ITGB2: variants seen among roughly 807,000 people sequenced by gnomAD.
ITGB2 encodes integrin subunit beta 2, also known as integrin beta-2.
Under a neutral mutation model 86.8 loss-of-function variants are expected in ITGB2, and 56 were observed. That is an observed-to-expected ratio of 0.65 (90% CI 0.52 to 0.81). ITGB2 has a LOEUF of 0.81. Among genes scored for constraint, ITGB2 ranks in the 30% least tolerant of loss-of-function variants. ITGB2 has a pLI of 0.00. For synonymous variants in ITGB2, 457 were observed against 450.4 expected, an observed-to-expected ratio of 1.01 and a Z score of -0.19; for missense variants, 948 against 1,061.2, an observed-to-expected ratio of 0.89 and a Z score of 1.48.
chr21:44,888,550 C>T (rs900634190), intron 14 of ITGB2, 143 bp downstream of exon 14: 41 of 951,698 alleles, frequency 4.3e-5, no homozygotes, highest in Non-Finnish European at 6.0e-5. Flanking sequence ...CTTGCAATGC[C>T]AAGGGCATCC....
Position 44,906,936 on chromosome 21 carries a change from C to A in ITGB2, c.307G>T (p.Val103Leu). 1.2e-6 allele frequency: 2 copies of A among 1,614,206 alleles called. No homozygotes were observed. Among genetic ancestry groups the A allele is most frequent in the Non-Finnish European group, 8.5e-7 (1 of 1,180,030 alleles). The change falls in exon 4 of 16, where the codon GTG (valine) becomes TTG (leucine). Residue 103 changes from valine (V) to leucine (L), a missense_variant. Val to Leu is a conservative substitution (Grantham distance 32). Coordinates refer to ENST00000652462, the MANE Select transcript of ITGB2 (RefSeq NM_000211.5). ...CTACCTGGTCGCAGGTAAAGCGTCA[C>A]TTTTTGTGGGGACAGCTGCTTCTGG... is the stretch of plus-strand genomic sequence containing the variant. Reference protein sequence around the residue: ...GGQKQLSPQKVTLYLRPGQAA... With the variant: ...GGQKQLSPQKLTLYLRPGQAA...
intron 12 of ITGB2, among the ~76,000 whole-genome samples, 172 bp downstream of exon 12, chr21:44,889,806 G>A (rs1430125537): frequency 6.6e-6 from 1 of 152,220 alleles, no homozygotes; most frequent in Non-Finnish European, 1.5e-5. Flanking sequence ...GCAGGGCGGG[G>A]TGCAGGGCCA....
intron 3 of ITGB2, among the ~76,000 whole-genome samples, chr21:44,908,362 C>T (rs1232566370): frequency 1.4e-5 from 2 of 146,280 alleles, no homozygotes; most frequent in Non-Finnish European, 3.0e-5. Context: ...GCCAGATGAC[C>T]TTGGCGCCAC....
At chr21:44,918,336 G>T (rs149370851) in intron 1 of ITGB2, among the ~76,000 whole-genome samples, 1 of 152,248 alleles carries the variant, frequency 6.6e-6, no homozygotes, top group African/African-American at 2.4e-5. Context: ...CGCCACAGGC[G>T]TCACGCTGCC....
chr21:44,886,500 A>G, intron 15 of ITGB2, 70 bp from the exon 16 acceptor site: 1 of 1,532,148 alleles, frequency 6.5e-7, no homozygotes, highest in African/African-American at 1.4e-5. Flanking sequence ...CTCCCTGAGG[A>G]CACTCCCCGC....
Position 44,901,480 on chromosome 21 carries a change from C to T in ITGB2, c.741+12G>A, listed in dbSNP as rs778868090. 56 of 1,613,236 alleles carry T rather than the reference C, an allele frequency of 3.5e-5. No homozygotes were observed. Among genetic ancestry groups the T allele is most frequent in the Admixed American group, 1.2e-4 (7 of 59,938 alleles). On this transcript the variant is annotated intron_variant, in intron 6 of 15. Coordinates refer to ENST00000652462, the MANE Select transcript of ITGB2 (RefSeq NM_000211.5). ...GGGAACGTGGGGACCCAAGCAGGGG[C>T]AGCGGCCTCACCGGGCAGGCGGCGA...
intron 1 of ITGB2, among the ~76,000 whole-genome samples, chr21:44,916,742 C>T (rs1601331325): frequency 6.6e-6 from 1 of 151,954 alleles, no homozygotes; most frequent in East Asian, 1.9e-4. Flanking sequence ...GTGGCGGGCG[C>T]CTGTAATCCC....
In ITGB2 at chr21:44,907,049, C is replaced by T. The variant is rs144806686; in HGVS notation, c.194G>A (p.Arg65Gln). The T allele has an allele frequency of 1.5e-5, 24 of 1,612,104 alleles. No homozygotes were observed. In the African/African-American group the frequency reaches 1.9e-4, roughly 13 times the overall value. The change falls in exon 4 of 16, where the codon CGG (arginine) becomes CAG (glutamine). Residue 65 changes from arginine (R) to glutamine (Q), a missense_variant. Physicochemically the swap from Arg to Gln is conservative, Grantham distance 43 (BLOSUM62 1). Transcript: ENST00000652462. ...ACAGCCCCTCATGAGCAGCTGTGGC[C>T]GGGTGTCGCAGCGAATGGAGTCAGG... ...GDPDSIRCDT[R>Q]PQLLMRGCAA...
intron 3 of ITGB2, chr21:44,909,471 A>C (rs1374584614): frequency 6.6e-6 from 1 of 152,382 alleles, no homozygotes. Context: ...GCCCAAGGAG[A>C]CGGCTGAGCG....
intron 1 of ITGB2, among the ~76,000 whole-genome samples, chr21:44,918,969 T>TC (rs1359894870): frequency 6.6e-6 from 1 of 152,118 alleles, no homozygotes; most frequent in African/African-American, 2.4e-5. Context: ...GAGCTGAGCG[T>TC]CCCCTCTCCC....
In ITGB2 at chr21:44,899,150, C is replaced by T. The variant is rs1601299497; in HGVS notation, c.910G>A (p.Val304Met). Reference sequence around the variant, plus strand: ...GCCAGCTTGTGCGCCAGCTGGCCCACCGATGGGTAGTCCTGGAGAGAGGAG... The same window carrying T: ...GCCAGCTTGTGCGCCAGCTGGCCCATCGATGGGTAGTCCTGGAGAGAGGAG... ...KRSNEFDYPS[V>M]GQLAHKLAEN... Residue 304 changes from valine to methionine, a missense_variant, in exon 8 of 16, where the codon GTG (valine) becomes ATG (methionine). Val to Met is a conservative substitution (Grantham distance 21). Coordinates refer to ENST00000652462, the MANE Select transcript of ITGB2 (RefSeq NM_000211.5). 1 of 1,613,896 alleles carries T rather than the reference C, an allele frequency of 6.2e-7. No homozygotes were observed. The highest frequency in any genetic ancestry group is 8.5e-7 in the Non-Finnish European group (1 of 1,179,800).
In ITGB2 at chr21:44,886,302, C is replaced by A. The variant is rs907725224; in HGVS notation, c.*66G>T. ...GACATCCTCAAGAGCTGTGGCAAGC[C>A]ATGTCTCGGCCGCGTGATGGGGCAG... On this transcript the variant is annotated 3_prime_UTR_variant, in exon 16 of 16. Coordinates refer to ENST00000652462, the MANE Select transcript of ITGB2 (RefSeq NM_000211.5). 1.3e-5 allele frequency: 18 copies of A among 1,366,262 alleles called. No individual in the cohort carries two copies. Among genetic ancestry groups the A allele is most frequent in the Non-Finnish European group, 1.8e-5 (17 of 954,120 alleles). 84.6% of individuals were successfully genotyped at this position (1,366,262 alleles called of 1,614,324 possible).
At position 44,907,325 on chromosome 21, in the gene ITGB2, C is replaced by CCTCT. The variant is rs2084059663; in HGVS notation, c.148-234_148-231dup. Among the ~76,000 whole-genome samples the CCTCT allele has an allele frequency of 5.3e-5, 8 of 152,324 alleles. No homozygotes were observed. In the South Asian group the frequency reaches 1.7e-3, roughly 32 times the overall value. On this transcript the variant is annotated intron_variant, in intron 3 of 15. Transcript: ENST00000652462. ...CCTGGGGGGCAGGGTATCGCCTCCT[C>CCTCT]CTCTGCCTCTAGCGGCAGAAAGGAC...
At chr21:44,907,677 G>T (rs2084063954) in intron 3 of ITGB2, among the ~76,000 whole-genome samples, 1 of 152,234 alleles carries the variant, frequency 6.6e-6, no homozygotes, top group Admixed American at 6.5e-5. Context: ...CCCGTCACTG[G>T]CCCCGAGCCT....
At chr21:44,916,639 A>C (rs942356977) in intron 1 of ITGB2, among the ~76,000 whole-genome samples, 1 of 152,124 alleles carries the variant, frequency 6.6e-6, no homozygotes, top group East Asian at 1.9e-4. Context: ...AGGCTGAGGC[A>C]GGCGGATCAC....
chr21:44,923,186 C>A (rs1257729067), upstream of ITGB2, among the ~76,000 whole-genome samples: 1 of 152,114 alleles, frequency 6.6e-6, no homozygotes, highest in Non-Finnish European at 1.5e-5. Flanking sequence ...CGTAGGGATG[C>A]AATTAGCAAA....
upstream of ITGB2, among the ~76,000 whole-genome samples, chr21:44,921,803 C>G (rs2084309590): frequency 6.6e-6 from 1 of 152,150 alleles, no homozygotes; most frequent in South Asian, 2.1e-4. Context: ...CTCACTGCAA[C>G]CTCTGCCTCC....
upstream of ITGB2, among the ~76,000 whole-genome samples, chr21:44,925,395 G>C (rs1409064935): frequency 7.1e-6 from 1 of 140,602 alleles, no homozygotes; most frequent in Non-Finnish European, 1.6e-5. Flanking sequence ...CAGAAAGAAA[G>C]AAAGGAAGAA....
At chr21:44,921,699 T>TTTTA (rs756407678), upstream of ITGB2, among the ~76,000 whole-genome samples, 9 of 152,034 alleles carry the variant, frequency 5.9e-5, no homozygotes, top group Non-Finnish European at 1.0e-4. Flanking sequence ...CTAAACTCTG[T>TTTTA]TTTATTTATT....
Sources: gnomAD v4.1 joint callset for allele counts (sites outside exome capture counted in the v4.1 genomes callset) on GRCh38, gnomAD v4.1.1 for gene constraint, MANE v1.5 for transcripts, NCBI Gene and HGNC (gene_info 2026-07-23, HGNC 2026-07-21) for gene names.